Variants in NCKAP5 observed in about 807,000 individuals in gnomAD.
The protein encoded by NCKAP5 is NCK associated protein 5.
NCKAP5 carries 92 observed loss-of-function variants against 167.0 expected under a neutral mutation model. The ratio of observed to expected loss-of-function variants is 0.55; its 90% CI spans 0.47 to 0.66. The LOEUF (loss-of-function observed/expected upper bound fraction) is 0.66, where lower values mean the gene tolerates loss of function less well. Ranked by LOEUF, NCKAP5 falls within the 30% of genes least tolerant of loss-of-function variation. NCKAP5 has a pLI of 0.00. For synonymous variants in NCKAP5, 891 were observed against 877.4 expected, an observed-to-expected ratio of 1.02 and a Z score of -0.27; for missense variants, 2,378 against 2,315.0, an observed-to-expected ratio of 1.03 and a Z score of -0.56.
chr2:133,667,504 G>C, the NCKAP5 span, among the ~76,000 whole-genome samples: 1 of 151,960 alleles, frequency 6.6e-6, no homozygotes, highest in Non-Finnish European at 1.5e-5. Flanking sequence ...TTTCCACTCA[G>C]ACCTCGACAG....
At chr2:132,884,412 C>A (rs11695981) in intron 8 of NCKAP5, among the ~76,000 whole-genome samples, 46,074 of 152,094 alleles carry the variant, frequency 0.3, 7,300 homozygotes, top group Non-Finnish European at 0.35. Flanking sequence ...CCCCTCAGTT[C>A]CTCCTCCAGA....
chr2:133,467,508 A>G (rs1448518070), intron 3 of NCKAP5, among the ~76,000 whole-genome samples: 2 of 150,836 alleles, frequency 1.3e-5, no homozygotes, highest in African/African-American at 2.4e-5. Flanking sequence ...TTGGTATCAG[A>G]ATGATGCTGG....
At chr2:132,859,654 C>T (rs990236164) in intron 11 of NCKAP5, among the ~76,000 whole-genome samples, 6 of 152,244 alleles carry the variant, frequency 3.9e-5, no homozygotes, top group Non-Finnish European at 7.3e-5. Context: ...AATTAGACCA[C>T]GCAGTGGTGG....
At chr2:132,770,155 T>C (rs538786375) in intron 16 of NCKAP5, among the ~76,000 whole-genome samples, 1 of 152,110 alleles carries the variant, frequency 6.6e-6, no homozygotes, top group Non-Finnish European at 1.5e-5. Flanking sequence ...CCCAAACTTA[T>C]AGATCCCAAG....
chr2:133,445,207 T>C (rs952489044), intron 3 of NCKAP5, among the ~76,000 whole-genome samples: 30 of 147,920 alleles, frequency 2.0e-4, no homozygotes, highest in African/African-American at 6.5e-4. Flanking sequence ...AGAAATGAGC[T>C]TTTTTTTTTG....
chr2:132,759,267 T>C (rs1057457139), intron 16 of NCKAP5, among the ~76,000 whole-genome samples: 2 of 152,178 alleles, frequency 1.3e-5, no homozygotes, highest in East Asian at 1.9e-4. Context: ...AACATTTGGG[T>C]TATTTTCTAA....
At chr2:133,264,188 G>A (rs79355536) in intron 4 of NCKAP5, among the ~76,000 whole-genome samples, 4,464 of 152,280 alleles carry the variant, frequency 0.029, 203 homozygotes, top group African/African-American at 0.1. Flanking sequence ...AGCTTCAGAA[G>A]CTTCTTATGA....
intron 5 of NCKAP5, among the ~76,000 whole-genome samples, chr2:133,163,311 C>A (rs564838718): frequency 1.3e-5 from 2 of 152,180 alleles, no homozygotes; most frequent in Non-Finnish European, 2.9e-5. Context: ...TGCCTCTACA[C>A]GTACAGACAC....
At chr2:133,662,185 T>C in the NCKAP5 span, among the ~76,000 whole-genome samples, 5 of 152,180 alleles carry the variant, frequency 3.3e-5, no homozygotes, top group African/African-American at 1.2e-4. Context: ...TTTAAGATAA[T>C]TTTTGGCCAG....
At chr2:132,737,615 C>T (rs1020798796) in intron 16 of NCKAP5, among the ~76,000 whole-genome samples, 40 of 152,266 alleles carry the variant, frequency 2.6e-4, no homozygotes, top group Middle Eastern at 3.4e-3. Context: ...GAGTGTTACC[C>T]TGCTGCTCCC....
chr2:133,015,557 A>T (rs1308207489), intron 6 of NCKAP5, among the ~76,000 whole-genome samples: 4 of 152,214 alleles, frequency 2.6e-5, no homozygotes, highest in African/African-American at 7.2e-5. Flanking sequence ...TTTCCAAATA[A>T]TGATAAAGCT....
the NCKAP5 span, among the ~76,000 whole-genome samples, chr2:133,627,391 G>A: frequency 6.6e-6 from 1 of 152,134 alleles, no homozygotes; most frequent in Non-Finnish European, 1.5e-5. Context: ...AACTTATGTT[G>A]ATGTTTTTAT....
chr2:132,760,698 A>G (rs1218975642), intron 16 of NCKAP5, among the ~76,000 whole-genome samples: 1 of 152,168 alleles, frequency 6.6e-6, no homozygotes, highest in Non-Finnish European at 1.5e-5. Context: ...GTGCCTTGAG[A>G]GAGGATTTGA....
chr2:133,641,851 A>G, the NCKAP5 span, among the ~76,000 whole-genome samples: 2 of 152,340 alleles, frequency 1.3e-5, no homozygotes, highest in South Asian at 4.1e-4. Context: ...TGTAACTGGA[A>G]CATCTATTAT....
Position 133,176,071 on chromosome 2 carries a change from C to T in NCKAP5, c.207+37645G>A, listed in dbSNP as rs559616363. Among the ~76,000 whole-genome samples, 7 of 152,266 alleles carry T rather than the reference C, an allele frequency of 4.6e-5. No homozygotes were observed. In the East Asian group the frequency reaches 9.7e-4, roughly 21 times the overall value. ...GGTAGGAGGACTAGTCAGGGAGGAT[C>T]GTCTATTCAGTGGAGACCGCATATC... is the stretch of plus-strand genomic sequence containing the variant. On this transcript the variant is annotated intron_variant, in intron 5 of 19. Transcript: ENST00000409261.
At chr2:133,094,265 G>A (rs1377102035) in intron 6 of NCKAP5, among the ~76,000 whole-genome samples, 1 of 152,194 alleles carries the variant, frequency 6.6e-6, no homozygotes, top group Non-Finnish European at 1.5e-5. Flanking sequence ...ATATAGGAGG[G>A]AGCCATTGTG....
Position 133,213,799 on chromosome 2 carries a change from T to C in NCKAP5, c.144-20A>G, listed in dbSNP as rs367986063. 34 of 1,613,062 alleles carry C rather than the reference T, an allele frequency of 2.1e-5. 1 individual carries two copies. The highest frequency in any genetic ancestry group is 5.9e-6 in the Non-Finnish European group (7 of 1,179,356). On this transcript the variant is annotated intron_variant, in intron 4 of 19. Coordinates refer to ENST00000409261, the MANE Select transcript of NCKAP5 (RefSeq NM_207363.3). ...TTCTCCCTGAAGAAACAAAAACACA[T>C]GATTAGTTGACCATTCTCAGGGTAG...
chr2:132,700,115 G>T (rs1359852479), intron 19 of NCKAP5, among the ~76,000 whole-genome samples: 1 of 152,188 alleles, frequency 6.6e-6, no homozygotes, highest in Admixed American at 6.5e-5. Flanking sequence ...TCTGTTGGCT[G>T]CATAAATGTC....
chr2:133,165,548 C>T (rs1002469620), intron 5 of NCKAP5, among the ~76,000 whole-genome samples: 1 of 152,084 alleles, frequency 6.6e-6, no homozygotes, highest in Non-Finnish European at 1.5e-5. Flanking sequence ...GAGGAAAGCA[C>T]AGAAGCAGAC....
Sources: gnomAD v4.1 joint callset for allele counts (sites outside exome capture counted in the v4.1 genomes callset) on GRCh38, gnomAD v4.1.1 for gene constraint, MANE v1.5 for transcripts, NCBI Gene and HGNC (gene_info 2026-07-23, HGNC 2026-07-21) for gene names.